WDR44: variants seen among roughly 807,000 people sequenced by gnomAD.
WDR44 encodes the protein WD repeat domain 44.
A neutral mutation model predicts 65.7 loss-of-function variants in WDR44; 9 were observed. The ratio of observed to expected loss-of-function variants is 0.14; its 90% CI spans 0.08 to 0.24. The LOEUF is 0.24. Ranked by LOEUF, WDR44 falls within the 10% of genes least tolerant of loss-of-function variation. The pLI is 1.00. For synonymous variants in WDR44, 220 were observed against 235.2 expected (o/e 0.94, Z 0.59); for missense variants, 425 against 670.9 (o/e 0.63, Z 4.05).
At chrX:118,446,035 GAAA>G (rs71931551) in intron 19 of WDR44, among the ~76,000 whole-genome samples, 2 of 65,368 alleles carry the variant, frequency 3.1e-5, no homozygotes, top group African/African-American at 4.8e-5. Context: ...TCTCAAAAAA[GAAA>G]AAAAAAAAAA....
intron 2 of WDR44, among the ~76,000 whole-genome samples, chrX:118,383,795 G>A (rs1443141106): frequency 2.0e-5 from 2 of 98,780 alleles, no homozygotes; most frequent in African/African-American, 7.5e-5. Flanking sequence ...ATGGTGATCA[G>A]CTTCCAAGTA....
intron 8 of WDR44, among the ~76,000 whole-genome samples, chrX:118,400,309 C>T (rs1471354694): frequency 1.8e-5 from 2 of 111,045 alleles, no homozygotes; most frequent in African/African-American, 6.6e-5. Flanking sequence ...TAGTATGGCC[C>T]ACCTGCAATG....
At chrX:118,428,741 A>G (rs56164245) in intron 12 of WDR44, among the ~76,000 whole-genome samples, 1,661 of 112,192 alleles carry the variant, frequency 0.015, 12 homozygotes, top group Non-Finnish European at 0.024. Context: ...TGTTATAAAG[A>G]TACATGCAGG....
At chrX:118,402,293 G>T (rs1202294522) in intron 8 of WDR44, among the ~76,000 whole-genome samples, 1 of 107,467 alleles carries the variant, frequency 9.3e-6, no homozygotes, top group Non-Finnish European at 1.9e-5. Context: ...AAATTAGCTG[G>T]GCATGGTGGT....
At position 118,395,301 on chromosome X, in the gene WDR44, C is replaced by T. The variant is rs754181976; in HGVS notation, c.1010C>T (p.Pro337Leu). Residue 337 changes from proline to leucine, a missense_variant, in exon 6 of 20, where the codon CCT becomes CTT. Coordinates refer to ENST00000254029, the MANE Select transcript of WDR44 (RefSeq NM_019045.5). ...ACTGTAGCAGGTGAAGTGATGGGCC[C>T]TCAGAGACCTAGATCCAACTCTGGG... ...GQTVAGEVMGPQRPRSNSGRE... is the reference protein window; with the variant it reads ...GQTVAGEVMGLQRPRSNSGRE... 8.3e-7 allele frequency: 1 copy of T among 1,210,244 alleles called. No individual in the cohort carries two copies. Among genetic ancestry groups the T allele is most frequent in the South Asian group, 1.8e-5 (1 of 56,741 alleles).
chrX:118,385,296 A>C (rs1232892452), intron 2 of WDR44, among the ~76,000 whole-genome samples: 1 of 112,514 alleles, frequency 8.9e-6, no homozygotes. Context: ...AATGTAGTAC[A>C]TATACACCAT....
intron 1 of WDR44, among the ~76,000 whole-genome samples, chrX:118,348,265 G>C (rs1165069466): frequency 1.8e-5 from 2 of 111,940 alleles, no homozygotes; most frequent in African/African-American, 6.5e-5. Context: ...TGGCAAATTT[G>C]TTAACTTTAC....
At chrX:118,433,396 T>TA (rs373502091) in intron 13 of WDR44, among the ~76,000 whole-genome samples, 26 of 106,700 alleles carry the variant, frequency 2.4e-4, no homozygotes, top group African/African-American at 4.1e-4. Context: ...ATGTAATAGT[T>TA]AAAAAAAAAA....
intron 19 of WDR44, among the ~76,000 whole-genome samples, chrX:118,446,867 TATGA>T (rs767020047): frequency 9.1e-6 from 1 of 109,364 alleles, no homozygotes; most frequent in African/African-American, 3.3e-5. Flanking sequence ...TTTTTTAACT[TATGA>T]ATGAATGAAT....
chrX:118,394,929 C>A (rs2056852817), intron 5 of WDR44, among the ~76,000 whole-genome samples: 1 of 112,057 alleles, frequency 8.9e-6, no homozygotes, highest in East Asian at 2.8e-4. Flanking sequence ...AGTTTTCTGA[C>A]CCCTACCTTT....
intron 3 of WDR44, among the ~76,000 whole-genome samples, chrX:118,390,763 C>G (rs1051775952): frequency 9.8e-5 from 11 of 112,190 alleles, no homozygotes; most frequent in Non-Finnish European, 2.1e-4. Context: ...TATCATCTTT[C>G]ACTTCCTTTA....
At position 118,414,594 on chromosome X, in the gene WDR44, G is replaced by A. The variant is rs137990220; in HGVS notation, c.1737+3635G>A. Among the ~76,000 whole-genome samples the A allele has an allele frequency of 3.2e-3, 356 of 111,245 alleles. 1 individual carries two copies. Among genetic ancestry groups the A allele is most frequent in the Non-Finnish European group, 5.6e-3 (298 of 53,004 alleles). ...GTAGTTTTCCTTGTAGATGTCTTTCGCCTCTTTGGTTAGGTATATTCCTAA... is the reference window on the plus strand; with the variant it reads ...GTAGTTTTCCTTGTAGATGTCTTTCACCTCTTTGGTTAGGTATATTCCTAA... On this transcript the variant is annotated intron_variant, in intron 12 of 19. Coordinates refer to ENST00000254029, the MANE Select transcript of WDR44 (RefSeq NM_019045.5).
At chrX:118,358,214 A>G (rs890275308) in intron 1 of WDR44, among the ~76,000 whole-genome samples, 1 of 112,179 alleles carries the variant, frequency 8.9e-6, no homozygotes, top group Non-Finnish European at 1.9e-5. Context: ...AACTAATAGG[A>G]AGTGTTATCT....
intron 2 of WDR44, among the ~76,000 whole-genome samples, chrX:118,380,463 G>C (rs189560290): frequency 6.2e-4 from 69 of 111,535 alleles, no homozygotes; most frequent in African/African-American, 2.1e-3. Context: ...TTCTATAAAT[G>C]GAATTATATA....
In WDR44 at chrX:118,395,298, G is replaced by A; in HGVS notation, c.1007G>A (p.Gly336Asp). 2.5e-6 allele frequency: 3 copies of A among 1,210,661 alleles called. No homozygotes were observed. The highest frequency in any genetic ancestry group is 3.4e-6 in the Non-Finnish European group (3 of 894,916). Residue 336 changes from glycine to aspartate, a missense_variant, in exon 6 of 20, where the codon GGC becomes GAC. Coordinates refer to ENST00000254029, the MANE Select transcript of WDR44 (RefSeq NM_019045.5). ...CAGACTGTAGCAGGTGAAGTGATGG[G>A]CCCTCAGAGACCTAGATCCAACTCT... Reference protein sequence around the residue: ...DGQTVAGEVMGPQRPRSNSGR... With the variant: ...DGQTVAGEVMDPQRPRSNSGR...
At chrX:118,372,779 G>A (rs1305792075) in intron 1 of WDR44, among the ~76,000 whole-genome samples, 1 of 111,972 alleles carries the variant, frequency 8.9e-6, no homozygotes, top group East Asian at 2.8e-4. Flanking sequence ...GCAGGCGCAT[G>A]GCTGACTGTA....
intron 2 of WDR44, among the ~76,000 whole-genome samples, chrX:118,379,865 G>C (rs2056699045): frequency 9.0e-6 from 1 of 111,075 alleles, no homozygotes; most frequent in Admixed American, 9.6e-5. Flanking sequence ...AGGACAAAAG[G>C]TATATGGTTG....
At chrX:118,412,813 G>A (rs928961947) in intron 12 of WDR44, among the ~76,000 whole-genome samples, 2 of 111,610 alleles carry the variant, frequency 1.8e-5, no homozygotes, top group African/African-American at 6.5e-5. Flanking sequence ...AGTATACACT[G>A]CACCTATTTG....
chrX:118,426,035 G>A (rs5956056), intron 12 of WDR44, among the ~76,000 whole-genome samples: 47,704 of 111,095 alleles, frequency 0.43, 10,334 homozygotes, highest in African/African-American at 0.84. Context: ...AGATGGTGCC[G>A]CTGCACTCCA....
Sources: allele counts gnomAD v4.1 joint callset (sites outside exome capture counted in the v4.1 genomes callset), GRCh38; gene constraint gnomAD v4.1.1; transcripts MANE v1.5; gene names NCBI Gene and HGNC (gene_info 2026-07-23, HGNC 2026-07-21).